The following IMMP2L variants were observed in gnomAD, a reference collection of about 807,000 sequenced individuals.
IMMP2L encodes the protein inner mitochondrial membrane peptidase subunit 2.
IMMP2L carries 18 observed loss-of-function variants against 19.3 expected under a neutral mutation model. The ratio of observed to expected loss-of-function variants is 0.93; its 90% confidence interval spans 0.64 to 1.38. IMMP2L has a LOEUF of 1.38. IMMP2L is among the 40% of genes most tolerant of loss of function. IMMP2L has a pLI of 0.00. For synonymous variants in IMMP2L, 76 were observed against 73.0 expected (o/e 1.04, Z -0.21); for missense variants, 233 against 218.2 (o/e 1.07, Z -0.43).
intron 3 of IMMP2L, among the ~76,000 whole-genome samples, chr7:111,115,066 G>A (rs527385477): frequency 3.9e-4 from 59 of 152,184 alleles, no homozygotes; most frequent in African/African-American, 1.1e-3. Context: ...GAATATTAAG[G>A]ATAATGAATA....
At chr7:111,289,251 C>T (rs1820826016) in intron 3 of IMMP2L, among the ~76,000 whole-genome samples, 1 of 151,132 alleles carries the variant, frequency 6.6e-6, no homozygotes, top group African/African-American at 2.4e-5. Context: ...GGGAACATCA[C>T]ACATGGGGGC....
chr7:111,525,912 C>T (rs1846798069), intron 1 of IMMP2L, among the ~76,000 whole-genome samples: 1 of 151,972 alleles, frequency 6.6e-6, no homozygotes, highest in South Asian at 2.1e-4. Context: ...GACGATGGCC[C>T]TGAAGCATGA....
intron 3 of IMMP2L, among the ~76,000 whole-genome samples, chr7:111,288,060 A>C (rs1237732670): frequency 6.6e-6 from 1 of 152,122 alleles, no homozygotes; most frequent in South Asian, 2.1e-4. Flanking sequence ...TTCTCTTGTA[A>C]TTTATTACAG....
At chr7:111,309,578 C>A (rs1823275010) in intron 3 of IMMP2L, among the ~76,000 whole-genome samples, 2 of 151,948 alleles carry the variant, frequency 1.3e-5, no homozygotes, top group African/African-American at 2.4e-5. Flanking sequence ...AGGTTTTAAA[C>A]CCCACCGAAA....
intron 4 of IMMP2L, among the ~76,000 whole-genome samples, chr7:110,919,755 A>G (rs1585268080): frequency 6.6e-6 from 1 of 152,174 alleles, no homozygotes; most frequent in African/African-American, 2.4e-5. Context: ...TGATGATTGC[A>G]TTAACCAAGT....
intron 3 of IMMP2L, among the ~76,000 whole-genome samples, chr7:111,242,598 T>G (rs1815227670): frequency 6.6e-6 from 1 of 152,080 alleles, no homozygotes; most frequent in African/African-American, 2.4e-5. Flanking sequence ...TTTCACCTAG[T>G]GAGCTATTCA....
chr7:111,096,518 AAAAC>A (rs1292633697), intron 3 of IMMP2L, among the ~76,000 whole-genome samples: 1 of 151,048 alleles, frequency 6.6e-6, no homozygotes, highest in African/African-American at 2.4e-5. Flanking sequence ...TAAAAAAAAA[AAAAC>A]AAAACAAAAC....
At chr7:111,461,125 G>A (rs757653393) in intron 3 of IMMP2L, among the ~76,000 whole-genome samples, 13 of 151,822 alleles carry the variant, frequency 8.6e-5, no homozygotes, top group Non-Finnish European at 1.5e-4. Context: ...TTCAATTTTT[G>A]TACCATTACA....
intron 4 of IMMP2L, among the ~76,000 whole-genome samples, chr7:110,961,701 TAA>T (rs1013419666): frequency 2.6e-5 from 4 of 151,888 alleles, no homozygotes; most frequent in South Asian, 2.1e-4. Flanking sequence ...CAAAATGTGA[TAA>T]GTCTATAAAA....
At chr7:111,419,069 A>G (rs145501398) in intron 3 of IMMP2L, among the ~76,000 whole-genome samples, 5 of 151,968 alleles carry the variant, frequency 3.3e-5, no homozygotes, top group Non-Finnish European at 7.4e-5. Flanking sequence ...ATCAAATCAA[A>G]TGCCTAGCTT....
chr7:111,450,995 C>G (rs922460366), intron 3 of IMMP2L, among the ~76,000 whole-genome samples: 3 of 151,290 alleles, frequency 2.0e-5, no homozygotes, highest in Admixed American at 6.6e-5. Flanking sequence ...AAATGCAAAT[C>G]AAAACCACCA....
chr7:110,737,563 C>T (rs1796721734), intron 5 of IMMP2L, among the ~76,000 whole-genome samples: 2 of 152,188 alleles, frequency 1.3e-5, no homozygotes. Context: ...TCTCTGCTCC[C>T]ACCTGGTGGT....
chr7:111,061,738 C>A (rs2129574520), intron 3 of IMMP2L, among the ~76,000 whole-genome samples: 1 of 152,088 alleles, frequency 6.6e-6, no homozygotes, highest in South Asian at 2.1e-4. Flanking sequence ...CACATCAATT[C>A]TCCACAGTTC....
intron 3 of IMMP2L, among the ~76,000 whole-genome samples, chr7:111,296,349 A>C (rs1036305943): frequency 1.3e-5 from 2 of 151,958 alleles, no homozygotes; most frequent in South Asian, 4.1e-4. Context: ...GACTAAAGTT[A>C]AAAACTGATA....
chr7:110,714,102 T>C (rs1046832251), intron 5 of IMMP2L, among the ~76,000 whole-genome samples: 3 of 152,208 alleles, frequency 2.0e-5, no homozygotes, highest in African/African-American at 7.2e-5. Flanking sequence ...GTATTTTCCT[T>C]TAATGCCTAG....
chr7:111,065,918 G>GTA (rs1554506186), intron 3 of IMMP2L, among the ~76,000 whole-genome samples: 20 of 151,188 alleles, frequency 1.3e-4, no homozygotes, highest in Admixed American at 8.5e-4. Flanking sequence ...GTGTGTGCGC[G>GTA]CGCGTGTATG....
chr7:110,707,183 G>A (rs1299156638), intron 5 of IMMP2L, among the ~76,000 whole-genome samples: 1 of 65,500 alleles, frequency 1.5e-5, no homozygotes, highest in Non-Finnish European at 2.9e-5. Context: ...AGTCCCCAGA[G>A]TGTGATATTC....
intron 1 of IMMP2L, among the ~76,000 whole-genome samples, chr7:111,522,152 A>T (rs1281314031): frequency 1.3e-5 from 2 of 152,098 alleles, no homozygotes; most frequent in African/African-American, 4.8e-5. Context: ...GTTAAATCAC[A>T]GATAAATCAC....
chr7:111,360,565 C>T (rs535840926), intron 3 of IMMP2L, among the ~76,000 whole-genome samples: 7 of 152,084 alleles, frequency 4.6e-5, no homozygotes, highest in Non-Finnish European at 1.0e-4. Flanking sequence ...TGCCTGTAAT[C>T]CCAGCACTTT....
Sources: gnomAD v4.1 joint callset for allele counts (sites outside exome capture counted in the v4.1 genomes callset) on GRCh38, gnomAD v4.1.1 for gene constraint, MANE v1.5 for transcripts, NCBI Gene and HGNC (gene_info 2026-07-23, HGNC 2026-07-21) for gene names.